DPYSL5: variants seen among roughly 807,000 people sequenced by gnomAD.
The protein encoded by DPYSL5 is dihydropyrimidinase like 5, also known as dihydropyrimidinase-related protein 5.
Under a neutral mutation model 58.4 loss-of-function variants are expected in DPYSL5, and 9 were observed. The ratio of observed to expected loss-of-function variants is 0.15; its 90% CI spans 0.09 to 0.27. The LOEUF (loss-of-function observed/expected upper bound fraction) is 0.27. Ranked by LOEUF, DPYSL5 falls within the 10% of genes least tolerant of loss-of-function variation. The pLI, the probability that DPYSL5 is intolerant of heterozygous loss-of-function variation, is 1.00. For missense variants in DPYSL5, 499 were observed against 770.6 expected (o/e 0.65, Z 4.17); for synonymous variants, 293 against 301.9 (o/e 0.97, Z 0.31).
chr2:26,899,282 T>C (rs1323736622), intron 2 of DPYSL5, among the ~76,000 whole-genome samples: 1 of 152,162 alleles, frequency 6.6e-6, no homozygotes, highest in East Asian at 1.9e-4. Flanking sequence ...TGAGTTACCA[T>C]GGACAATATT....
chr2:26,933,545 G>C lies in DPYSL5; in HGVS notation c.790+212G>C, dbSNP rs1665091255. Among the ~76,000 whole-genome samples the C allele has an allele frequency of 6.6e-6, 1 of 152,192 alleles. No individual in the cohort carries two copies. Among genetic ancestry groups the C allele is most frequent in the South Asian group, 2.1e-4 (1 of 4,828 alleles). The stretch of plus-strand genomic sequence containing the variant: ...CATGAGCTTTTTCTTCTGCAAATTT[G>C]TATGCATAACAGCTTTACGGAAGTG... On this transcript the variant is annotated intron_variant, in intron 7 of 12. Coordinates refer to ENST00000288699, the MANE Select transcript of DPYSL5 (RefSeq NM_020134.4). The surrounding 1 kb of genome is among the most constrained non-coding windows in gnomAD (Gnocchi z 4.2).
intron 1 of DPYSL5, among the ~76,000 whole-genome samples, chr2:26,878,592 TG>T (rs369320565): frequency 2.6e-4 from 40 of 152,352 alleles, no homozygotes; most frequent in African/African-American, 7.7e-4. Flanking sequence ...TATCCTTCTA[TG>T]TTTTTTTCTA....
intron 1 of DPYSL5, among the ~76,000 whole-genome samples, chr2:26,863,141 C>T (rs1173809947): frequency 6.6e-6 from 1 of 152,186 alleles, no homozygotes; most frequent in Non-Finnish European, 1.5e-5. Context: ...TCCCACATGT[C>T]ACCAGAATGT....
intron 1 of DPYSL5, among the ~76,000 whole-genome samples, chr2:26,874,240 G>A (rs1663345317): frequency 6.6e-6 from 1 of 152,014 alleles, no homozygotes; most frequent in Admixed American, 6.6e-5. Flanking sequence ...TTTCTTAACA[G>A]GATCTTATGA....
chr2:26,850,004 C>T (rs948769626), intron 1 of DPYSL5, among the ~76,000 whole-genome samples: 2 of 152,294 alleles, frequency 1.3e-5, no homozygotes, highest in Admixed American at 1.3e-4. Flanking sequence ...GAGGTCGCCT[C>T]GGTGCAGCGC....
In DPYSL5 at chr2:26,944,880, T is replaced by C. The variant is rs2148179128; in HGVS notation, c.1609+56T>C. 1 of 1,554,562 alleles carries C rather than the reference T, an allele frequency of 6.4e-7. No homozygotes were observed. The highest frequency in any genetic ancestry group is 8.8e-7 in the Non-Finnish European group (1 of 1,135,964). The stretch of plus-strand genomic sequence containing the variant: ...GGGGGTCTGGGAGAAGTGGCCCACC[T>C]AGGCAGTGGGACTTACGCCTGCTTT... On this transcript the variant is annotated intron_variant, in intron 12 of 12. Coordinates refer to ENST00000288699, the MANE Select transcript of DPYSL5 (RefSeq NM_020134.4). The surrounding 1 kb of genome is among the most constrained non-coding windows in gnomAD (Gnocchi z 4.4).
At chr2:26,890,594 A>G (rs952319741) in intron 1 of DPYSL5, among the ~76,000 whole-genome samples, 1 of 152,186 alleles carries the variant, frequency 6.6e-6, no homozygotes, top group African/African-American at 2.4e-5. Context: ...CGGTGTCTCT[A>G]CTGAGCTGCT....
chr2:26,901,246 A>G (rs1664147711), intron 2 of DPYSL5, among the ~76,000 whole-genome samples: 3 of 152,030 alleles, frequency 2.0e-5, no homozygotes, highest in Admixed American at 2.0e-4. Context: ...TTAAACTGAC[A>G]CTTTGTTATA....
Position 26,944,669 on chromosome 2 carries a change from G to A in DPYSL5, c.1454G>A (p.Arg485Lys). The A allele has an allele frequency of 6.2e-7, 1 of 1,613,944 alleles. No individual in the cohort carries two copies. Among genetic ancestry groups the A allele is most frequent in the Non-Finnish European group, 8.5e-7 (1 of 1,179,896 alleles). The change falls in exon 12 of 13, where the codon AGA becomes AAA. Residue 485 changes from arginine to lysine, a missense_variant. By Grantham distance (26) the Arg-to-Lys change is conservative. Around this residue, in one of 3 missense-constraint regions of DPYSL5, gnomAD observed 62 missense variants for 59.2 expected, o/e 1.05. Transcript: ENST00000288699. The surrounding 1 kb of genome is among the most constrained non-coding windows in gnomAD (Gnocchi z 4.4). ...LVQREKTLKV[R>K]GVDRTPYLGD... Reference sequence around the variant, plus strand: ...ATCCTTCCCTAGACTTTAAAGGTTAGAGGAGTGGACCGCACTCCCTACCTG... The same window carrying A: ...ATCCTTCCCTAGACTTTAAAGGTTAAAGGAGTGGACCGCACTCCCTACCTG...
intron 2 of DPYSL5, among the ~76,000 whole-genome samples, chr2:26,908,929 T>C (rs540328147): frequency 6.6e-6 from 1 of 152,370 alleles, no homozygotes; most frequent in African/African-American, 2.4e-5. Context: ...GCTTGTATCT[T>C]TTTTAATATT....
chr2:26,871,305 C>T (rs762712356), intron 1 of DPYSL5, among the ~76,000 whole-genome samples: 3 of 152,112 alleles, frequency 2.0e-5, no homozygotes, highest in Non-Finnish European at 4.4e-5. Flanking sequence ...AATGGAACAC[C>T]ATCTGTATGA....
rs185999590 is a variant in DPYSL5 at position 26,934,824 on chromosome 2, G to C, written c.947+90G>C. The C allele has an allele frequency of 2.0e-6, 3 of 1,509,518 alleles. No homozygotes were observed. Among genetic ancestry groups the C allele is most frequent in the Non-Finnish European group, 2.7e-6 (3 of 1,106,748 alleles). The allele number at this position is 1,509,518 out of a possible 1,614,324, so 93.5% of individuals were successfully genotyped here. The stretch of plus-strand genomic sequence containing the variant: ...CAGGAAACAAATCTGAGCTAGGTTT[G>C]ATTTCATTGTGCCCATAGGATCATT... On this transcript the variant is annotated intron_variant, in intron 8 of 12. Coordinates refer to ENST00000288699, the MANE Select transcript of DPYSL5 (RefSeq NM_020134.4). The surrounding 1 kb of genome is among the most constrained non-coding windows in gnomAD (Gnocchi z 4.3).
In DPYSL5 at chr2:26,944,745, AC is replaced by A; in HGVS notation, c.1531del (p.Leu511SerfsTer15). 6.2e-7 allele frequency: 1 copy of A among 1,613,730 alleles called. No individual in the cohort carries two copies. Among genetic ancestry groups the A allele is most frequent in the Non-Finnish European group, 8.5e-7 (1 of 1,179,924 alleles). ...HPGKKEMGTP[L>X]ADTPTRPVTR... ...CTGGGAAAAAAGAGATGGGAACCCCACTCGCAGACACTCCTACCCGGCCCGT... is the reference window on the plus strand; with the variant it reads ...CTGGGAAAAAAGAGATGGGAACCCCATCGCAGACACTCCTACCCGGCCCGT... On this transcript the variant is annotated frameshift_variant, in exon 12 of 13. Transcript: ENST00000288699. LOFTEE classifies it high-confidence loss of function. This position sits in a 1 kb window ranked among gnomAD's most constrained non-coding sequence, Gnocchi z 4.4.
At chr2:26,940,418 A>C (rs1572721033) in intron 9 of DPYSL5, among the ~76,000 whole-genome samples, 1 of 152,080 alleles carries the variant, frequency 6.6e-6, no homozygotes, top group African/African-American at 2.4e-5. Flanking sequence ...GAAAAAAAGA[A>C]ACCTTAATTC....
intron 8 of DPYSL5, chr2:26,939,350 G>A (rs1185944757): frequency 6.6e-6 from 1 of 152,184 alleles, no homozygotes; most frequent in Non-Finnish European, 1.5e-5. Flanking sequence ...ATGTTGCCAA[G>A]GCTGATCTCG....
chr2:26,857,424 C>T lies in DPYSL5; in HGVS notation c.-5+9170C>T, dbSNP rs114553391. On this transcript the variant is annotated intron_variant, in intron 1 of 12. Transcript: ENST00000288699. The stretch of plus-strand genomic sequence containing the variant: ...GCGTGGTGGTGCACACCAGTAGTTC[C>T]AGCTACTTGGGAAGCTGAGGCAGGA... Among the ~76,000 whole-genome samples the T allele has an allele frequency of 3.9e-3, 592 of 152,172 alleles. 1 individual carries two copies. Among genetic ancestry groups the T allele is most frequent in the Middle Eastern group, 6.8e-3 (2 of 294 alleles).
At chr2:26,883,959 C>T (rs1012221162) in intron 1 of DPYSL5, among the ~76,000 whole-genome samples, 1 of 152,210 alleles carries the variant, frequency 6.6e-6, no homozygotes, top group Non-Finnish European at 1.5e-5. Flanking sequence ...GCCCCCGCCC[C>T]GTTTCCTGGC....
chr2:26,898,057 G>A lies in DPYSL5; in HGVS notation c.-4-439G>A, dbSNP rs1664060843. Reference sequence around the variant, plus strand: ...TCAGGATACCGTGCAGTGTAAGGGAGACATTTGTTGTATAAGACATGTGGG... The same window carrying A: ...TCAGGATACCGTGCAGTGTAAGGGAAACATTTGTTGTATAAGACATGTGGG... On this transcript the variant is annotated intron_variant, in intron 1 of 12. Transcript: ENST00000288699. This position sits in a 1 kb window ranked among gnomAD's most constrained non-coding sequence, Gnocchi z 6.1. Among the ~76,000 whole-genome samples, 1 of 152,206 alleles carries A rather than the reference G, an allele frequency of 6.6e-6. No homozygotes were observed. The highest frequency in any genetic ancestry group is 2.4e-5 in the African/African-American group (1 of 41,454).
At chr2:26,885,052 A>T (rs1663679686) in intron 1 of DPYSL5, among the ~76,000 whole-genome samples, 1 of 151,956 alleles carries the variant, frequency 6.6e-6, no homozygotes, top group East Asian at 1.9e-4. Flanking sequence ...ATACAAAATC[A>T]GCTGGGCGTG....
Sources: allele counts gnomAD v4.1 joint callset (sites outside exome capture counted in the v4.1 genomes callset), GRCh38; gene constraint gnomAD v4.1.1; regional missense constraint gnomAD v4.1.1; non-coding constraint Gnocchi (gnomAD v3.1); transcripts MANE v1.5; gene names NCBI Gene and HGNC (gene_info 2026-07-23, HGNC 2026-07-21).